The following CHD1 variants were observed in gnomAD, a reference collection of about 807,000 sequenced individuals.
The protein encoded by CHD1 is chromodomain helicase DNA binding protein 1, also known as ATP-dependent chromatin remodeler CHD1.
In CHD1, 36 loss-of-function variants were observed where a neutral mutation model predicts 224.2. The ratio of observed to expected loss-of-function variants is 0.16; its 90% CI spans 0.12 to 0.21. CHD1 has a LOEUF of 0.21. CHD1 is among the 10% of genes least tolerant of loss of function. CHD1 has a pLI of 1.00. For synonymous variants in CHD1, 668 were observed against 658.3 expected (o/e 1.01, Z -0.23); for missense variants, 1,378 against 1,994.8 (o/e 0.69, Z 5.89).
intron 31 of CHD1, among the ~76,000 whole-genome samples, chr5:98,867,225 A>T (rs1748943544): frequency 6.6e-6 from 1 of 152,182 alleles, no homozygotes; most frequent in Admixed American, 6.5e-5. Flanking sequence ...AGGTCTTTAG[A>T]ATAAAGGCAC....
At chr5:98,919,435 C>T (rs146066860) in intron 2 of CHD1, among the ~76,000 whole-genome samples, 2 of 152,244 alleles carry the variant, frequency 1.3e-5, no homozygotes, top group Non-Finnish European at 2.9e-5. Context: ...TGACCAACAT[C>T]AGAAAACAGT....
At chr5:98,866,690 GAATA>G (rs1748896389) in intron 31 of CHD1, among the ~76,000 whole-genome samples, 1 of 151,872 alleles carries the variant, frequency 6.6e-6, no homozygotes, top group Non-Finnish European at 1.5e-5. Flanking sequence ...GGAAATATAG[GAATA>G]TATATTTATA....
chr5:98,924,250 CAAAAG>C (rs367806230), intron 2 of CHD1, among the ~76,000 whole-genome samples: 121 of 150,314 alleles, frequency 8.0e-4, no homozygotes, highest in Middle Eastern at 3.4e-3. Flanking sequence ...GGCCCTGTCT[CAAAAG>C]AAAAGAAAAG....
At chr5:98,904,822 G>A (rs1198535261) in intron 3 of CHD1, 75 bp downstream of exon 3, 2 of 1,244,878 alleles carry the variant, frequency 1.6e-6, no homozygotes, top group African/African-American at 1.5e-5. Flanking sequence ...GATTAAGAAT[G>A]GTATAAACCA....
At chr5:98,905,231 A>G (rs1751966469) in intron 2 of CHD1, 133 bp from the exon 3 acceptor site, 4 of 1,023,440 alleles carry the variant, frequency 3.9e-6, no homozygotes, top group Non-Finnish European at 4.2e-6. Flanking sequence ...GCCAAAAAAA[A>G]GAAAAAGGAA....
At chr5:98,877,960 T>TA (rs1749885561) in intron 23 of CHD1, among the ~76,000 whole-genome samples, 1 of 152,094 alleles carries the variant, frequency 6.6e-6, no homozygotes, top group Admixed American at 6.6e-5. Flanking sequence ...CCTACACATC[T>TA]AAATGTAAGG....
chr5:98,860,848 C>T (rs954229379), intron 32 of CHD1, among the ~76,000 whole-genome samples: 1 of 152,126 alleles, frequency 6.6e-6, no homozygotes, highest in Non-Finnish European at 1.5e-5. Flanking sequence ...TGATACCTTA[C>T]TGAAATGAAA....
In CHD1 at chr5:98,909,006, T is replaced by C. The variant is rs532298947; in HGVS notation, c.54-3908A>G. Among the ~76,000 whole-genome samples the C allele has an allele frequency of 2.6e-4, 39 of 150,634 alleles. No individual in the cohort carries two copies. In the South Asian group the frequency reaches 4.4e-3, roughly 17 times the overall value. ...TTCAAATATAAACTGAGCAATATGA[T>C]GAATTATCATGAATCTATCACCCAG... is the stretch of plus-strand genomic sequence containing the variant. On this transcript the variant is annotated intron_variant, in intron 2 of 35. Transcript: ENST00000614616.
rs1177225255 is a variant in CHD1, at chr5:98,858,361, G to C, written c.4606C>G (p.His1536Asp). ...TAACTGTCCCTGCTGCTATCATCGT[G>C]ATTTGTATTCTCTTTTAATCTTTCC... ...DVERLKENTN[H>D]DDSSRDSYSS... Residue 1536 changes from histidine to aspartate, a missense_variant, in exon 35 of 36, where the codon CAC becomes GAC. His to Asp is a moderately conservative substitution (Grantham distance 81). Around this residue, in one of 16 missense-constraint regions of CHD1, gnomAD observed 278 missense variants for 298.5 expected, o/e 0.93. Transcript: ENST00000614616. The C allele has an allele frequency of 6.2e-7, 1 of 1,612,626 alleles. No individual in the cohort carries two copies. The highest frequency in any genetic ancestry group is 2.2e-5 in the East Asian group (1 of 44,832).
intron 29 of CHD1, 32 bp from the exon 30 acceptor site, chr5:98,869,914 C>G: frequency 6.6e-7 from 1 of 1,519,762 alleles, no homozygotes; most frequent in East Asian, 2.3e-5. Flanking sequence ...TTAACCAATT[C>G]TACAGATTTC....
At chr5:98,869,969 A>G in intron 29 of CHD1, 87 bp from the exon 30 acceptor site, 1 of 949,434 alleles carries the variant, frequency 1.1e-6, no homozygotes, top group South Asian at 1.6e-5. Flanking sequence ...GCTAGAACAC[A>G]TATTCCTACC....
At chr5:98,910,564 G>T (rs917804925) in intron 2 of CHD1, among the ~76,000 whole-genome samples, 1 of 152,018 alleles carries the variant, frequency 6.6e-6, no homozygotes, top group Non-Finnish European at 1.5e-5. Flanking sequence ...TTCCATTCTT[G>T]ACTCCTCTAC....
chr5:98,905,490 A>C (rs1751990506), intron 2 of CHD1, among the ~76,000 whole-genome samples: 1 of 151,958 alleles, frequency 6.6e-6, no homozygotes, highest in Non-Finnish European at 1.5e-5. Flanking sequence ...GCAATAATAA[A>C]GTAAGAAATG....
In CHD1 at chr5:98,905,212, CT is replaced by C. The variant is rs2112549804; in HGVS notation, c.54-115del. 4.1e-6 allele frequency: 5 copies of C among 1,219,484 alleles called. No homozygotes were observed. In the South Asian group the frequency reaches 7.6e-5, roughly 19 times the overall value. 75.5% of individuals were successfully genotyped at this position (1,219,484 alleles called of 1,614,324 possible). On this transcript the variant is annotated intron_variant, in intron 2 of 35. Coordinates refer to ENST00000614616, the MANE Select transcript of CHD1 (RefSeq NM_001270.4). ...TTTTACTTCATACTTAATATTTCAA[CT>C]ATCTTTGGCCAAAAAAAAGAAAAAG...
chr5:98,862,616 A>G (rs2112461661), intron 32 of CHD1, among the ~76,000 whole-genome samples: 1 of 152,286 alleles, frequency 6.6e-6, no homozygotes, highest in Middle Eastern at 3.4e-3. Context: ...AACCAAATTC[A>G]CTGTGTAATT....
intron 17 of CHD1, among the ~76,000 whole-genome samples, 174 bp downstream of exon 17, chr5:98,887,914 A>G (rs1267063531): frequency 6.6e-6 from 1 of 152,196 alleles, no homozygotes; most frequent in African/African-American, 2.4e-5. Flanking sequence ...GCAATATGTA[A>G]AGTCAAGAAA....
chr5:98,927,895 CTG>C lies in CHD1; in HGVS notation c.-149+642_-149+643del, dbSNP rs1421320406. On this transcript the variant is annotated intron_variant, in intron 1 of 35. Transcript: ENST00000614616. ...TCTGAAGCTCCAAGCGCACACAGCG[CTG>C]TGTCCTCTCAAGCGTCTCCACAATG... Among the ~76,000 whole-genome samples the C allele has an allele frequency of 5.3e-5, 8 of 152,342 alleles. No homozygotes were observed. The East Asian group carries it at 1.4e-3, about 26-fold the overall frequency.
chr5:98,908,771 GAATTCTTAATTCAGATA>G (rs1752206083), intron 2 of CHD1, among the ~76,000 whole-genome samples: 1 of 150,192 alleles, frequency 6.7e-6, no homozygotes, highest in African/African-American at 2.5e-5. Flanking sequence ...TAAAAACACT[GAATTCTTAATTCAGATA>G]ATACACCCAC....
At chr5:98,918,012 T>C (rs1441356198) in intron 2 of CHD1, among the ~76,000 whole-genome samples, 1 of 152,100 alleles carries the variant, frequency 6.6e-6, no homozygotes, top group East Asian at 1.9e-4. Flanking sequence ...TTTTCTGCTA[T>C]GCTTCCTTTT....
Sources: allele counts gnomAD v4.1 joint callset (sites outside exome capture counted in the v4.1 genomes callset), GRCh38; gene constraint gnomAD v4.1.1; regional missense constraint gnomAD v4.1.1; transcripts MANE v1.5; gene names NCBI Gene and HGNC (gene_info 2026-07-23, HGNC 2026-07-21).